SIRPB1: variants seen among roughly 807,000 people sequenced by gnomAD.
SIRPB1 encodes the protein signal-regulatory protein beta-1.
A neutral mutation model predicts 34.1 loss-of-function variants in SIRPB1; 28 were observed. That is an observed-to-expected ratio of 0.82 (90% CI 0.61 to 1.12). The LOEUF is 1.12. Ranked by LOEUF, SIRPB1 falls within the 50% of genes most tolerant of loss-of-function variation. SIRPB1 has a pLI of 0.00. For synonymous variants in SIRPB1, 211 were observed against 203.8 expected (o/e 1.04, Z -0.30); for missense variants, 499 against 507.0 (o/e 0.98, Z 0.15).
rs113933985 is a variant in SIRPB1 at position 1,609,434 on chromosome 20, A to G, written c.76+10435T>C. 7.0e-5 allele frequency among the ~76,000 whole-genome samples: 5 copies of G among 71,708 alleles called. 1 individual carries two copies. In the South Asian group the frequency reaches 3.0e-3, roughly 44 times the overall value. 47.0% of individuals were successfully genotyped at this position (71,708 alleles called of 152,430 possible). On this transcript the variant is annotated intron_variant, in intron 1 of 5. Transcript: ENST00000381605. ...TAGTAAAGCTATGTGTCTTCTGGAGATTCCGTTTTTTGCCTTTCCAAATTC... is the reference window on the plus strand; with the variant it reads ...TAGTAAAGCTATGTGTCTTCTGGAGGTTCCGTTTTTTGCCTTTCCAAATTC...
At chr20:1,568,418 A>G (rs989429355) in intron 4 of SIRPB1, among the ~76,000 whole-genome samples, 6 of 152,212 alleles carry the variant, frequency 3.9e-5, no homozygotes, top group African/African-American at 1.4e-4. Context: ...GCCATGTCAG[A>G]CACACTGAAA....
At chr20:1,579,364 G>C (rs2091369670) in intron 1 of SIRPB1, among the ~76,000 whole-genome samples, 1 of 148,420 alleles carries the variant, frequency 6.7e-6, no homozygotes, top group African/African-American at 2.4e-5. Context: ...GTGGTACATG[G>C]AGTGTGGCAC....
rs2091544389 is a variant in SIRPB1, at chr20:1,609,577, C to T, written c.76+10292G>A. On this transcript the variant is annotated intron_variant, in intron 1 of 5. Transcript: ENST00000381605. ...TCTCCTTCCTCCTTCTTGTAAGGAC[C>T]TTTCTTATGTATTGTGTCCACCCCG... 2.8e-5 allele frequency among the ~76,000 whole-genome samples: 2 copies of T among 71,428 alleles called. 1 individual carries two copies. Among genetic ancestry groups the T allele is most frequent in the African/African-American group, 1.8e-4 (2 of 11,108 alleles). 46.9% of individuals were successfully genotyped at this position (71,428 alleles called of 152,430 possible). A position where few individuals can be genotyped will look rare whatever the true frequency, so the allele number is the denominator to read the frequency against.
At chr20:1,615,209 G>C (rs2091612844) in intron 1 of SIRPB1, among the ~76,000 whole-genome samples, 1 of 152,178 alleles carries the variant, frequency 6.6e-6, no homozygotes, top group African/African-American at 2.4e-5. Flanking sequence ...TCTCTGTAGA[G>C]ACTTTGGCTG....
At chr20:1,566,096 T>A (rs2243602) in intron 5 of SIRPB1, 57 bp downstream of exon 5, 670,729 of 1,126,582 alleles carry the variant, frequency 0.6, 201,940 homozygotes, top group East Asian at 0.79. Flanking sequence ...TGGGCCCTCC[T>A]GCTGGCCTTG....
At chr20:1,616,896 C>A (rs1301085879) in intron 1 of SIRPB1, among the ~76,000 whole-genome samples, 1 of 151,974 alleles carries the variant, frequency 6.6e-6, no homozygotes, top group East Asian at 1.9e-4. Context: ...ATCTTAAAAC[C>A]CATTTCTCAA....
Position 1,603,520 on chromosome 20 carries a change from C to T in SIRPB1, c.76+16349G>A, listed in dbSNP as rs1262265533. 2.7e-4 allele frequency among the ~76,000 whole-genome samples: 13 copies of T among 48,908 alleles called. 6 individuals carry two copies. The highest frequency in any genetic ancestry group is 3.5e-4 in the Non-Finnish European group (9 of 25,382). The allele number at this position is 48,908 out of a possible 152,430, so 32.1% of individuals were successfully genotyped here. A position where few individuals can be genotyped will look rare whatever the true frequency, so the allele number is the denominator to read the frequency against. Reference sequence around the variant, plus strand: ...AGGAGACAGGGTGGCTGATGAGAAACGGGAATGTAACAACTGTCAGGGGTA... The same window carrying T: ...AGGAGACAGGGTGGCTGATGAGAAATGGGAATGTAACAACTGTCAGGGGTA... On this transcript the variant is annotated intron_variant, in intron 1 of 5. Coordinates refer to ENST00000381605, the MANE Select transcript of SIRPB1 (RefSeq NM_006065.5).
Position 1,583,892 on chromosome 20 carries a change from A to ACTACTT in SIRPB1, c.77-5199_77-5198insAAGTAG, listed in dbSNP as rs769020935. On this transcript the variant is annotated intron_variant, in intron 1 of 5. Transcript: ENST00000381605. ...TACTACTACTACTACTACTACTACT[A>ACTACTT]CTGCTGCTGCTGCTGCTGTGTGTTT... Among the ~76,000 whole-genome samples, 2 of 43,524 alleles carry ACTACTT rather than the reference A, an allele frequency of 4.6e-5. 1 individual carries two copies. The highest frequency in any genetic ancestry group is 3.4e-4 in the African/African-American group (2 of 5,818). The allele number at this position is 43,524 out of a possible 152,430, so 28.6% of individuals were successfully genotyped here. A position where few individuals can be genotyped will look rare whatever the true frequency, so the allele number is the denominator to read the frequency against.
In SIRPB1 at chr20:1,581,804, G is replaced by T. The variant is rs1383847176; in HGVS notation, c.77-3110C>A. On this transcript the variant is annotated intron_variant, in intron 1 of 5. Transcript: ENST00000381605. ...CTGATTGGCTCCACAATTTGAGAAGGCTTTTTACCCTGATGACTTTCTTGT... is the reference window on the plus strand; with the variant it reads ...CTGATTGGCTCCACAATTTGAGAAGTCTTTTTACCCTGATGACTTTCTTGT... Among the ~76,000 whole-genome samples the T allele has an allele frequency of 4.2e-5, 2 of 47,366 alleles. 1 individual carries two copies. The highest frequency in any genetic ancestry group is 2.9e-4 in the Admixed American group (2 of 6,954). The allele number at this position is 47,366 out of a possible 152,430, so 31.1% of individuals were successfully genotyped here. A position where few individuals can be genotyped will look rare whatever the true frequency, so the allele number is the denominator to read the frequency against.
In SIRPB1 at chr20:1,566,278, G is replaced by C. The variant is rs1161374002; in HGVS notation, c.1085-11C>G. 3.2e-6 allele frequency: 5 copies of C among 1,565,022 alleles called. No homozygotes were observed. The African/African-American group carries it at 4.0e-5, about 13-fold the overall frequency. On this transcript the variant is annotated splice_polypyrimidine_tract_variant and intron_variant, in intron 4 of 5. Transcript: ENST00000381605. ...GAGCCAGCGCTGCTTCTGGAAATCA[G>C]GGAAGAGGAGGAGCCATGAGAGGGG...
At chr20:1,578,027 A>T in intron 2 of SIRPB1, 1 of 416,708 alleles carries the variant, frequency 2.4e-6, no homozygotes, top group South Asian at 2.4e-5. Context: ...GTGCCTGGAC[A>T]AGTCACTCAA....
chr20:1,573,130 A>G (rs1600108074), intron 2 of SIRPB1, among the ~76,000 whole-genome samples: 1 of 136,354 alleles, frequency 7.3e-6, no homozygotes, highest in East Asian at 2.0e-4. Flanking sequence ...GGCCTTCCTA[A>G]CAATCATTTT....
Position 1,571,365 on chromosome 20 carries a change from G to A in SIRPB1, c.752-228C>T, listed in dbSNP as rs144568395. The stretch of plus-strand genomic sequence containing the variant: ...GACTGTTAGCTGCTGCTAGGCTAAG[G>A]ATGAGTGAAATCTACAAGCACAACC... On this transcript the variant is annotated intron_variant, in intron 3 of 5. Coordinates refer to ENST00000381605, the MANE Select transcript of SIRPB1 (RefSeq NM_006065.5). 4.0e-3 allele frequency among the ~76,000 whole-genome samples: 603 copies of A among 152,376 alleles called. 6 individuals carry two copies. The highest frequency in any genetic ancestry group is 0.024 in the Middle Eastern group (7 of 294).
intron 1 of SIRPB1, among the ~76,000 whole-genome samples, chr20:1,614,241 T>C (rs1173867479): frequency 1.3e-5 from 2 of 152,116 alleles, no homozygotes; most frequent in Non-Finnish European, 2.9e-5. Context: ...CTACAAGAAA[T>C]GCTAAAGGGA....
chr20:1,566,497 A>G (rs1361820307), intron 4 of SIRPB1, among the ~76,000 whole-genome samples: 1 of 152,196 alleles, frequency 6.6e-6, no homozygotes, highest in Non-Finnish European at 1.5e-5. Context: ...CCTGGAGGGA[A>G]AAGGTGGAGA....
intron 4 of SIRPB1, among the ~76,000 whole-genome samples, chr20:1,568,141 G>A (rs1220261621): frequency 1.3e-5 from 2 of 152,200 alleles, no homozygotes; most frequent in African/African-American, 2.4e-5. Context: ...GCTACTTGTC[G>A]CTATAAATAT....
intron 1 of SIRPB1, among the ~76,000 whole-genome samples, chr20:1,578,994 C>T (rs998823917): frequency 6.8e-6 from 1 of 147,940 alleles, no homozygotes; most frequent in African/African-American, 2.5e-5. Context: ...GTCTGCTGCC[C>T]AGGCTGGAGT....
In SIRPB1 at chr20:1,578,581, GC is replaced by G; in HGVS notation, c.189del (p.Ile65SerfsTer13). The G allele has an allele frequency of 6.3e-7, 1 of 1,584,020 alleles. No homozygotes were observed. Among genetic ancestry groups the G allele is most frequent in the Non-Finnish European group, 8.6e-7 (1 of 1,157,556 alleles). ...CCAGCTCCTCTAAACCACATGATGG[GC>G]CCCACAGGGATCAGGGACGTCATAG... ...RCAMTSLIPV[G>X]PIMWFRGAGA... On this transcript the variant is annotated frameshift_variant, in exon 2 of 6. Coordinates refer to ENST00000381605, the MANE Select transcript of SIRPB1 (RefSeq NM_006065.5). LOFTEE classifies it high-confidence loss of function.
intron 1 of SIRPB1, among the ~76,000 whole-genome samples, chr20:1,612,338 G>A (rs2091577477): frequency 1.4e-5 from 1 of 72,738 alleles, no homozygotes; most frequent in Non-Finnish European, 2.6e-5. Flanking sequence ...GAGGACCTGA[G>A]TAGAACTCTT....
Sources: gnomAD v4.1 joint callset for allele counts (sites outside exome capture counted in the v4.1 genomes callset) on GRCh38, gnomAD v4.1.1 for gene constraint, MANE v1.5 for transcripts, NCBI Gene and HGNC (gene_info 2026-07-23, HGNC 2026-07-21) for gene names.